ANKRD44: variants seen among roughly 807,000 people sequenced by gnomAD.
The protein encoded by ANKRD44 is serine/threonine-protein phosphatase 6 regulatory ankyrin repeat subunit B.
Under a neutral mutation model 116.0 loss-of-function variants are expected in ANKRD44, and 35 were observed. The ratio of observed to expected loss-of-function variants is 0.30; its 90% CI spans 0.23 to 0.40. The LOEUF (loss-of-function observed/expected upper bound fraction) is 0.40, where lower values mean the gene tolerates loss of function less well. ANKRD44 is among the 10% of genes least tolerant of loss of function. The pLI is 1.00. For synonymous variants in ANKRD44, 435 were observed against 461.8 expected, an observed-to-expected ratio of 0.94 and a Z score of 0.74; for missense variants, 1,014 against 1,242.6, an observed-to-expected ratio of 0.82 and a Z score of 2.77.
intron 16 of ANKRD44, among the ~76,000 whole-genome samples, chr2:197,065,357 A>T (rs1225528727): frequency 6.6e-6 from 1 of 152,222 alleles, no homozygotes; most frequent in African/African-American, 2.4e-5. Flanking sequence ...AGCAGGAAAG[A>T]TCTAAAATTG....
intron 1 of ANKRD44, among the ~76,000 whole-genome samples, chr2:197,304,484 T>C (rs1477140304): frequency 6.6e-6 from 1 of 152,216 alleles, no homozygotes; most frequent in East Asian, 1.9e-4. Flanking sequence ...AGAGCTCATC[T>C]GCAAATACAC....
chr2:197,241,876 C>T (rs375890969), intron 1 of ANKRD44, among the ~76,000 whole-genome samples: 1 of 151,900 alleles, frequency 6.6e-6, no homozygotes, highest in African/African-American at 2.4e-5. Context: ...AATAAATAAG[C>T]CAAAAACCTT....
chr2:197,156,025 T>C (rs2079800744), intron 2 of ANKRD44, among the ~76,000 whole-genome samples: 1 of 152,174 alleles, frequency 6.6e-6, no homozygotes, highest in African/African-American at 2.4e-5. Context: ...TCACCAAAGA[T>C]ATACAGATAG....
At chr2:197,107,771 T>G (rs2078466896) in intron 9 of ANKRD44, among the ~76,000 whole-genome samples, 1 of 152,182 alleles carries the variant, frequency 6.6e-6, no homozygotes, top group Non-Finnish European at 1.5e-5. Context: ...GATGTCCCAC[T>G]CTGGGGGGAC....
chr2:197,235,735 A>G (rs2376294), intron 1 of ANKRD44, among the ~76,000 whole-genome samples: 30,534 of 151,784 alleles, frequency 0.2, 3,221 homozygotes, highest in Middle Eastern at 0.3. Context: ...ATAATACAAT[A>G]CAAATATTAT....
chr2:197,288,311 A>T (rs1311167355), intron 1 of ANKRD44, among the ~76,000 whole-genome samples: 3 of 152,224 alleles, frequency 2.0e-5, no homozygotes, highest in Non-Finnish European at 1.5e-5. Flanking sequence ...CATGGGCGGT[A>T]TATAAAGTTT....
At chr2:197,046,802 A>G (rs2077010019) in intron 16 of ANKRD44, among the ~76,000 whole-genome samples, 2 of 152,208 alleles carry the variant, frequency 1.3e-5, no homozygotes, top group Non-Finnish European at 2.9e-5. Flanking sequence ...CATCCTTAAT[A>G]GGTAAAGTAA....
At chr2:197,106,224 C>T (rs1022406035) in intron 9 of ANKRD44, among the ~76,000 whole-genome samples, 3 of 151,236 alleles carry the variant, frequency 2.0e-5, no homozygotes, top group Non-Finnish European at 4.4e-5. Flanking sequence ...GGCAGATCAC[C>T]TGAGGCCAGG....
At chr2:197,000,994 T>A (rs2076104025) in intron 22 of ANKRD44, among the ~76,000 whole-genome samples, 1 of 152,242 alleles carries the variant, frequency 6.6e-6, no homozygotes, top group African/African-American at 2.4e-5. Flanking sequence ...GCCGAGATTG[T>A]GCCACTGCTC....
chr2:197,161,729 T>C (rs2079970189), intron 2 of ANKRD44, among the ~76,000 whole-genome samples: 1 of 152,236 alleles, frequency 6.6e-6, no homozygotes, highest in African/African-American at 2.4e-5. Flanking sequence ...TATGTATTTC[T>C]GAAAGTGGTC....
At chr2:197,061,370 C>T (rs1024709073) in intron 16 of ANKRD44, among the ~76,000 whole-genome samples, 6 of 152,162 alleles carry the variant, frequency 3.9e-5, no homozygotes, top group Admixed American at 1.3e-4. Flanking sequence ...ACCCCATACC[C>T]GGGCAGTGAC....
intron 8 of ANKRD44, among the ~76,000 whole-genome samples, 156 bp downstream of exon 8, chr2:197,121,176 C>T (rs900328660): frequency 6.6e-6 from 1 of 152,100 alleles, no homozygotes; most frequent in African/African-American, 2.4e-5. Flanking sequence ...ATCTACCTGC[C>T]TCAGCCTCCA....
intron 16 of ANKRD44, among the ~76,000 whole-genome samples, chr2:197,066,209 T>G (rs1460259546): frequency 6.6e-6 from 1 of 152,226 alleles, no homozygotes; most frequent in African/African-American, 2.4e-5. Context: ...TCTCAATAGA[T>G]GCAGAAATGG....
Position 197,078,691 on chromosome 2 carries a change from A to G in ANKRD44, c.1650+12T>C, listed in dbSNP as rs767179908. On this transcript the variant is annotated intron_variant, in intron 16 of 27. Coordinates refer to ENST00000282272, the MANE Select transcript of ANKRD44 (RefSeq NM_001195144.2). The stretch of plus-strand genomic sequence containing the variant: ...GTGTGTGTGTTAGAGAAAACAAAAC[A>G]AAACAACTCACCAATTCCAGACACT... 1 of 1,609,096 alleles carries G rather than the reference A, an allele frequency of 6.2e-7. No homozygotes were observed. Among genetic ancestry groups the G allele is most frequent in the East Asian group, 2.2e-5 (1 of 44,632 alleles).
chr2:197,013,028 C>T (rs2076326849), intron 18 of ANKRD44, among the ~76,000 whole-genome samples: 2 of 152,028 alleles, frequency 1.3e-5, no homozygotes, highest in East Asian at 1.9e-4. Flanking sequence ...ATTTTTACAT[C>T]GATGTGTAAA....
chr2:196,985,770 C>T (rs189958956), downstream of ANKRD44, among the ~76,000 whole-genome samples: 5 of 152,274 alleles, frequency 3.3e-5, no homozygotes, highest in African/African-American at 1.2e-4. Context: ...TCGTCAATAG[C>T]TGGAAACTCC....
At chr2:197,245,693 C>T (rs186786928) in intron 1 of ANKRD44, among the ~76,000 whole-genome samples, 16 of 152,270 alleles carry the variant, frequency 1.1e-4, no homozygotes, top group Admixed American at 5.2e-4. Context: ...GCCTGTCCCA[C>T]GGAATTACCA....
intron 21 of ANKRD44, among the ~76,000 whole-genome samples, chr2:196,970,476 T>G (rs1442372089): frequency 6.6e-6 from 1 of 152,226 alleles, no homozygotes; most frequent in Non-Finnish European, 1.5e-5. Flanking sequence ...CTTAATATTT[T>G]GATGGCTCTT....
At chr2:197,030,707 C>G (rs1286283136) in intron 16 of ANKRD44, among the ~76,000 whole-genome samples, 1 of 150,098 alleles carries the variant, frequency 6.7e-6, no homozygotes, top group African/African-American at 2.5e-5. Flanking sequence ...CTTGTAAACA[C>G]TGATTTTTAA....
Sources: allele counts gnomAD v4.1 joint callset (sites outside exome capture counted in the v4.1 genomes callset), GRCh38; gene constraint gnomAD v4.1.1; transcripts MANE v1.5; gene names NCBI Gene and HGNC (gene_info 2026-07-23, HGNC 2026-07-21).